The following PTPRB variants were observed in gnomAD, a reference collection of about 807,000 sequenced individuals.
PTPRB encodes protein tyrosine phosphatase receptor type B, also known as receptor-type tyrosine-protein phosphatase beta.
Under a neutral mutation model 238.1 loss-of-function variants are expected in PTPRB, and 97 were observed. The observed-to-expected ratio is 0.41, with a 90% confidence interval of 0.35 to 0.48. PTPRB has a LOEUF of 0.48. Ranked by LOEUF, PTPRB falls within the 20% of genes least tolerant of loss-of-function variation. The probability of loss-of-function intolerance (pLI) is 0.30; values close to 1 mark genes in which losing one functional copy is unlikely to be tolerated. For missense variants in PTPRB, 2,292 were observed against 2,681.9 expected (o/e 0.85, Z 3.21); for synonymous variants, 970 against 995.4 (o/e 0.97, Z 0.48).
At chr12:70,611,678 C>A (rs1884458607) in intron 3 of PTPRB, among the ~76,000 whole-genome samples, 1 of 152,202 alleles carries the variant, frequency 6.6e-6, no homozygotes, top group African/African-American at 2.4e-5. Flanking sequence ...TCGAGAGATT[C>A]TACAGACTTT....
intron 4 of PTPRB, among the ~76,000 whole-genome samples, chr12:70,604,854 G>C (rs1484129605): frequency 6.6e-6 from 1 of 152,140 alleles, no homozygotes; most frequent in South Asian, 2.1e-4. Flanking sequence ...GCAGGCCAAG[G>C]AGAGGCCTCA....
At position 70,555,317 on chromosome 12, in the gene PTPRB, AAG is replaced by A. The variant is rs1374387675; in HGVS notation, c.4994-10_4994-9del. Reference sequence around the variant, plus strand: ...GGGGTGGAGGAGGGGGGCCTGGAAAAAGAGGTGGGGAAGGAACCAAGAGGGGT... The same window carrying A: ...GGGGTGGAGGAGGGGGGCCTGGAAAAAGGTGGGGAAGGAACCAAGAGGGGT... On this transcript the variant is annotated splice_polypyrimidine_tract_variant and intron_variant, in intron 19 of 33. Coordinates refer to ENST00000334414, the MANE Select transcript of PTPRB (RefSeq NM_001109754.4). 21 of 1,608,478 alleles carry A rather than the reference AAG, an allele frequency of 1.3e-5. No individual in the cohort carries two copies. The highest frequency in any genetic ancestry group is 2.7e-5 in the African/African-American group (2 of 74,852).
At position 70,591,101 on chromosome 12, in the gene PTPRB, A is replaced by AT. The variant is rs55873756; in HGVS notation, c.1781-869dup. ...ACATGTCACCATGCCCAGCTAATTA[A>AT]TTTTTTTTTTTTTTTTGTAGAGACG... is the stretch of plus-strand genomic sequence containing the variant. On this transcript the variant is annotated intron_variant, in intron 7 of 33. Transcript: ENST00000334414. 7.6e-3 allele frequency among the ~76,000 whole-genome samples: 1,048 copies of AT among 137,440 alleles called. 9 individuals are homozygous for AT. The highest frequency in any genetic ancestry group is 0.019 in the East Asian group (89 of 4,702). 90.2% of individuals were successfully genotyped at this position (137,440 alleles called of 152,430 possible). A position where few individuals can be genotyped will look rare whatever the true frequency, so the allele number is the denominator to read the frequency against.
intron 28 of PTPRB, 28 bp from the exon 29 acceptor site, chr12:70,536,187 C>A: frequency 6.2e-7 from 1 of 1,604,440 alleles, no homozygotes; most frequent in Non-Finnish European, 8.5e-7. Flanking sequence ...TATGGAGAGT[C>A]AGAAACAATG....
At chr12:70,602,917 A>G (rs1466407023) in intron 4 of PTPRB, among the ~76,000 whole-genome samples, 1 of 152,202 alleles carries the variant, frequency 6.6e-6, no homozygotes, top group Non-Finnish European at 1.5e-5. Flanking sequence ...ATACACATTC[A>G]TACATATAGA....
At chr12:70,559,143 T>G (rs1219337103) in intron 18 of PTPRB, 200 bp downstream of exon 18, 1 of 629,436 alleles carries the variant, frequency 1.6e-6, no homozygotes, top group Non-Finnish European at 2.8e-6. Flanking sequence ...GTAAGCCCCA[T>G]GAGGGCAGAG....
At position 70,560,929 on chromosome 12, in the gene PTPRB, C is replaced by T. The variant is rs1043254213; in HGVS notation, c.4174G>A (p.Ala1392Thr). Residue 1392 changes from alanine (A) to threonine (T), a missense_variant, in exon 17 of 34, where the codon GCC becomes ACC. Coordinates refer to ENST00000334414, the MANE Select transcript of PTPRB (RefSeq NM_001109754.4). The surrounding 1 kb of genome is among the most constrained non-coding windows in gnomAD (Gnocchi z 4.2). ...GACCCCCTGAGATGACTCACAGAGG[C>T]TGGGACTTAAACAGAAGAAAAATTG... ...ESFIFGRTVP[A>T]SVSHLRGSNR... is the part of the protein sequence containing the mutation. 6.2e-7 allele frequency: 1 copy of T among 1,612,672 alleles called. No homozygotes were observed. The highest frequency in any genetic ancestry group is 8.5e-7 in the Non-Finnish European group (1 of 1,178,954).
At position 70,534,508 on chromosome 12, in the gene PTPRB, C is replaced by T; in HGVS notation, c.6348G>A (p.Gly2116=). The T allele has an allele frequency of 6.2e-7, 1 of 1,612,690 alleles. No homozygotes were observed. The highest frequency in any genetic ancestry group is 8.5e-7 in the Non-Finnish European group (1 of 1,179,656). The change falls in exon 31 of 34, where the codon GGG becomes GGA. Residue 2116 remains glycine, a synonymous_variant. Coordinates refer to ENST00000334414, the MANE Select transcript of PTPRB (RefSeq NM_001109754.4). ...AGTACCTGCAGTGCACCACAGTGGG[C>T]CCAGCACCCGGGCTTCTGTTGATGT... ...RDYINRSPGA[G]PTVVHCSAGV... is the part of the protein sequence containing the mutation.
intron 12 of PTPRB, 194 bp from the exon 13 acceptor site, chr12:70,571,483 T>C: frequency 3.2e-6 from 2 of 624,236 alleles, no homozygotes. Context: ...CTGACATAAA[T>C]GTTACATGAT....
intron 7 of PTPRB, 137 bp from the exon 8 acceptor site, chr12:70,590,370 T>C (rs1293047147): frequency 2.3e-6 from 2 of 855,282 alleles, no homozygotes; most frequent in East Asian, 2.7e-5. Flanking sequence ...TTGATGTCTG[T>C]GGATTGCAAA....
Position 70,525,798 on chromosome 12 carries a change from G to A in PTPRB, c.6505-1207C>T, listed in dbSNP as rs117620152. On this transcript the variant is annotated intron_variant, in intron 32 of 33. Coordinates refer to ENST00000334414, the MANE Select transcript of PTPRB (RefSeq NM_001109754.4). Reference sequence around the variant, plus strand: ...AGTTGTGAGCAGTGAAGGAGACTGGGCTCTCAGCAGCCTCCAGCCAGGCCA... The same window carrying A: ...AGTTGTGAGCAGTGAAGGAGACTGGACTCTCAGCAGCCTCCAGCCAGGCCA... 3.9e-5 allele frequency among the ~76,000 whole-genome samples: 6 copies of A among 152,344 alleles called. No individual in the cohort carries two copies. In the East Asian group the frequency reaches 9.6e-4, roughly 24 times the overall value.
At chr12:70,538,073 A>G (rs2136244383) in intron 28 of PTPRB, 82 bp downstream of exon 28, 1 of 1,133,538 alleles carries the variant, frequency 8.8e-7, no homozygotes, top group Non-Finnish European at 1.3e-6. Flanking sequence ...TAAGAATAAC[A>G]GGAACATGGA....
Position 70,517,717 on chromosome 12 carries a change from G to A in PTPRB, c.*3772C>T, listed in dbSNP as rs980744349. On this transcript the variant is annotated 3_prime_UTR_variant, in exon 34 of 34. Transcript: ENST00000334414. ...TACCTATTGATTTTCACCAGGTCAG[G>A]TTTGGTCTGGCTCATGTTTGTAAAC... is the stretch of plus-strand genomic sequence containing the variant. The A allele has an allele frequency of 5.9e-5, 9 of 152,166 alleles. No homozygotes were observed. The highest frequency in any genetic ancestry group is 1.9e-4 in the African/African-American group (8 of 41,436). The allele number at this position is 152,166 out of a possible 1,614,324, so 9.4% of individuals were successfully genotyped here. A position where few individuals can be genotyped will look rare whatever the true frequency, so the allele number is the denominator to read the frequency against.
chr12:70,609,762 T>C (rs1251047924), intron 3 of PTPRB: 2 of 1,580,610 alleles, frequency 1.3e-6, no homozygotes, highest in African/African-American at 2.7e-5. Flanking sequence ...GCCACTCACC[T>C]GCAGCAGGCT....
At chr12:70,586,116 A>C (rs1281975667) in intron 9 of PTPRB, among the ~76,000 whole-genome samples, 1 of 152,152 alleles carries the variant, frequency 6.6e-6, no homozygotes, top group Non-Finnish European at 1.5e-5. Context: ...ATACGTGTGC[A>C]TGTGTCTTTA....
At chr12:70,576,671 GGGGGGGGGGGGAA>G (rs1880777636) in intron 10 of PTPRB, 26 bp from the exon 11 acceptor site, 3 of 243,886 alleles carry the variant, frequency 1.2e-5, no homozygotes, top group African/African-American at 8.9e-5. Flanking sequence ...GTGGGGGGCG[GGGGGGGGGGGGAA>G]GGGGGATTCA....
At chr12:70,612,076 CCTACT>C (rs138324251) in intron 3 of PTPRB, among the ~76,000 whole-genome samples, 2,284 of 152,262 alleles carry the variant, frequency 0.015, 58 homozygotes, top group African/African-American at 0.052. Flanking sequence ...TGGAATAATA[CCTACT>C]CTAAATACAC....
intron 7 of PTPRB, chr12:70,592,005 T>C: frequency 2.1e-6 from 1 of 467,288 alleles, no homozygotes; most frequent in South Asian, 2.7e-5. Context: ...TCAGAAATGT[T>C]TTATATACTG....
chr12:70,611,575 C>T (rs1884450979), intron 3 of PTPRB, among the ~76,000 whole-genome samples: 2 of 152,198 alleles, frequency 1.3e-5, no homozygotes, highest in South Asian at 4.1e-4. Flanking sequence ...GCTGGGATTA[C>T]AGGCGTGTGC....
Sources: gnomAD v4.1 joint callset for allele counts (sites outside exome capture counted in the v4.1 genomes callset) on GRCh38, gnomAD v4.1.1 for gene constraint, Gnocchi (gnomAD v3.1) non-coding constraint, MANE v1.5 for transcripts, NCBI Gene and HGNC (gene_info 2026-07-23, HGNC 2026-07-21) for gene names.